Variants in C12orf42 observed in about 807,000 individuals in gnomAD.
The protein encoded by C12orf42 is uncharacterized protein C12orf42.
Under a neutral mutation model 21.6 loss-of-function variants are expected in C12orf42, and 25 were observed. That is an observed-to-expected ratio of 1.16 (90% confidence interval 0.84 to 1.62). The LOEUF is 1.62. Ranked by LOEUF, C12orf42 falls within the 40% of genes most tolerant of loss-of-function variation. The pLI is 0.00. For missense variants in C12orf42, 483 were observed against 459.3 expected, an observed-to-expected ratio of 1.05 and a Z score of -0.47; for synonymous variants, 174 against 175.0, an observed-to-expected ratio of 0.99 and a Z score of 0.05.
At chr12:103,183,355 C>T in the C12orf42 span, among the ~76,000 whole-genome samples, 1 of 152,260 alleles carries the variant, frequency 6.6e-6, no homozygotes, top group Non-Finnish European at 1.5e-5. Context: ...GCTGGGATTA[C>T]AGGCGTGAGC....
At chr12:103,116,224 C>T in the C12orf42 span, among the ~76,000 whole-genome samples, 4 of 151,798 alleles carry the variant, frequency 2.6e-5, no homozygotes, top group East Asian at 3.9e-4. Context: ...ATTAGCCAGG[C>T]GTGGTGACAC....
the C12orf42 span, among the ~76,000 whole-genome samples, chr12:103,053,418 A>G: frequency 6.6e-6 from 1 of 151,902 alleles, no homozygotes; most frequent in Non-Finnish European, 1.5e-5. Context: ...ATGTCTGTTC[A>G]TATCTTTTGC....
chr12:103,402,577 CACT>C (rs1261340121), intron 2 of C12orf42, among the ~76,000 whole-genome samples: 1 of 152,158 alleles, frequency 6.6e-6, no homozygotes, highest in Non-Finnish European at 1.5e-5. Context: ...GTGAGTTGCC[CACT>C]ACTTTTCCCA....
chr12:103,321,365 A>G (rs1296244372), intron 4 of C12orf42, among the ~76,000 whole-genome samples: 1 of 148,816 alleles, frequency 6.7e-6, no homozygotes, highest in Non-Finnish European at 1.5e-5. Context: ...TCAGGAAACA[A>G]CAGGTGCTGG....
chr12:103,379,872 A>C (rs1423169551), intron 3 of C12orf42, among the ~76,000 whole-genome samples: 5 of 152,230 alleles, frequency 3.3e-5, no homozygotes, highest in Non-Finnish European at 7.3e-5. Flanking sequence ...CGGGAAGCAC[A>C]GACAGTGGGT....
chr12:103,354,979 T>C (rs1180245019), intron 4 of C12orf42, among the ~76,000 whole-genome samples: 5 of 152,128 alleles, frequency 3.3e-5, no homozygotes, highest in Non-Finnish European at 7.4e-5. Flanking sequence ...GATGTATCAT[T>C]ACAAAATGAA....
the C12orf42 span, chr12:103,549,746 C>T: frequency 6.6e-6 from 1 of 152,112 alleles, no homozygotes; most frequent in African/African-American, 2.4e-5. Context: ...AAATTACTAC[C>T]CAATAGATCA....
chr12:103,450,177 T>C (rs542229499), intron 2 of C12orf42, among the ~76,000 whole-genome samples: 3 of 152,220 alleles, frequency 2.0e-5, no homozygotes, highest in African/African-American at 7.2e-5. Context: ...GATTTCTTCA[T>C]GTTAATCTGC....
At chr12:103,300,294 A>G (rs2037563379), downstream of C12orf42, among the ~76,000 whole-genome samples, 1 of 152,186 alleles carries the variant, frequency 6.6e-6, no homozygotes, top group Non-Finnish European at 1.5e-5. Context: ...GGGATTTCTC[A>G]GGGACCTAAT....
the C12orf42 span, among the ~76,000 whole-genome samples, chr12:103,100,450 G>A: frequency 1.2e-4 from 19 of 152,284 alleles, no homozygotes; most frequent in Admixed American, 5.2e-4. Flanking sequence ...GATTCTGTTC[G>A]GCAGGGCTAT....
the C12orf42 span, among the ~76,000 whole-genome samples, chr12:103,071,073 A>C: frequency 6.6e-6 from 1 of 152,158 alleles, no homozygotes; most frequent in Non-Finnish European, 1.5e-5. Flanking sequence ...TCATTAGGAA[A>C]CAATCATGAA....
chr12:103,209,551 C>T, the C12orf42 span, among the ~76,000 whole-genome samples: 6 of 152,252 alleles, frequency 3.9e-5, no homozygotes, highest in South Asian at 6.2e-4. Context: ...AAAATTCTAC[C>T]AGTGTCATCT....
intron 2 of C12orf42, among the ~76,000 whole-genome samples, chr12:103,470,637 T>C (rs1379403758): frequency 6.6e-6 from 1 of 152,198 alleles, no homozygotes; most frequent in Non-Finnish European, 1.5e-5. Context: ...GAAGTGGTGC[T>C]ATGTGATTTC....
At chr12:103,084,632 T>C in the C12orf42 span, among the ~76,000 whole-genome samples, 8 of 152,228 alleles carry the variant, frequency 5.3e-5, no homozygotes, top group Non-Finnish European at 1.2e-4. Context: ...TCAGAATGTA[T>C]ACCTAGTTTT....
intron 2 of C12orf42, among the ~76,000 whole-genome samples, chr12:103,406,389 A>G (rs2048427405): frequency 6.6e-6 from 1 of 152,206 alleles, no homozygotes; most frequent in Non-Finnish European, 1.5e-5. Context: ...CTGGAAATAG[A>G]TCAGTTCTTC....
the C12orf42 span, chr12:103,159,594 C>T: frequency 6.6e-6 from 1 of 152,242 alleles, no homozygotes; most frequent in South Asian, 2.1e-4. Context: ...GTATCTGTCT[C>T]AACAGCCCCC....
At chr12:103,152,285 G>A in the C12orf42 span, among the ~76,000 whole-genome samples, 14 of 152,272 alleles carry the variant, frequency 9.2e-5, no homozygotes, top group Admixed American at 3.3e-4. Context: ...AGAAAAGTGA[G>A]ATAATGACTT....
the C12orf42 span, among the ~76,000 whole-genome samples, chr12:103,531,455 C>G: frequency 6.6e-6 from 1 of 152,262 alleles, no homozygotes; most frequent in Middle Eastern, 3.4e-3. Context: ...AGCACAGAAT[C>G]AAGGGCTGTT....
At chr12:103,557,958 C>T in the C12orf42 span, 1 of 152,214 alleles carries the variant, frequency 6.6e-6, no homozygotes, top group African/African-American at 2.4e-5. Context: ...CCTTGCTTGA[C>T]TTCAACATTT....
Sources: gnomAD v4.1 joint callset for allele counts (sites outside exome capture counted in the v4.1 genomes callset) on GRCh38, gnomAD v4.1.1 for gene constraint, MANE v1.5 for transcripts, NCBI Gene and HGNC (gene_info 2026-07-23, HGNC 2026-07-21) for gene names.